The following PCDHGA2 variants were observed in gnomAD, a reference collection of about 807,000 sequenced individuals.
PCDHGA2 encodes the protein protocadherin gamma subfamily A, 2.
In PCDHGA2, 40 loss-of-function variants were observed where a neutral mutation model predicts 59.2. The ratio of observed to expected loss-of-function variants is 0.68; its 90% CI spans 0.52 to 0.88. The LOEUF is 0.88. Among genes scored for constraint, PCDHGA2 ranks in the 40% least tolerant of loss-of-function variants. PCDHGA2 has a pLI of 0.00. For missense variants in PCDHGA2, 1,226 were observed against 1,204.0 expected (o/e 1.02, Z -0.27); for synonymous variants, 560 against 526.0 (o/e 1.06, Z -0.89).
chr5:141,374,484 T>C, intron 1 of PCDHGA2: 1 of 1,611,588 alleles, frequency 6.2e-7, no homozygotes. Flanking sequence ...CCCCGATTCT[T>C]AAAGGAAGAA....
At chr5:141,349,244 T>A (rs1199692870) in intron 1 of PCDHGA2, among the ~76,000 whole-genome samples, 1 of 34,678 alleles carries the variant, frequency 2.9e-5, no homozygotes, top group Admixed American at 3.8e-4. Context: ...TAATTTTTAT[T>A]TTTTTTAGTA....
chr5:141,385,919 T>C (rs912267518), intron 1 of PCDHGA2: 9 of 152,446 alleles, frequency 5.9e-5, no homozygotes, highest in African/African-American at 1.7e-4. Flanking sequence ...CACTAAGATC[T>C]ATATCAAAGA....
intron 1 of PCDHGA2, among the ~76,000 whole-genome samples, chr5:141,467,931 T>C (rs771009105): frequency 1.3e-5 from 2 of 151,966 alleles, no homozygotes; most frequent in Non-Finnish European, 2.9e-5. Flanking sequence ...AATGCTAGGA[T>C]TACAAGCATG....
At chr5:141,426,680 T>TC in intron 1 of PCDHGA2, 1 of 431,452 alleles carries the variant, frequency 2.3e-6, no homozygotes, top group South Asian at 1.6e-5. Context: ...CACCTCATTT[T>TC]CCCCAAAATA....
rs755499740 is a variant in PCDHGA2 at position 141,389,751 on chromosome 5, G to C, written c.2424+48356G>C. 1.9e-6 allele frequency: 3 copies of C among 1,612,800 alleles called. No individual in the cohort carries two copies. The highest frequency in any genetic ancestry group is 1.1e-5 in the South Asian group (1 of 91,032). ...CTTCAGCCTGGGGCTGCGCACGGGC[G>C]AAGTGCGCACAGCGCGTGCCTTAGG... On this transcript the variant is annotated intron_variant, in intron 1 of 3. Coordinates refer to ENST00000394576, the MANE Select transcript of PCDHGA2 (RefSeq NM_018915.4).
At chr5:141,351,987 G>C (rs1399569045) in intron 1 of PCDHGA2, 1 of 1,611,124 alleles carries the variant, frequency 6.2e-7, no homozygotes, top group Non-Finnish European at 8.5e-7. Flanking sequence ...ATGGTGCCAC[G>C]CGCCGCAGAG....
rs111925753 is a variant in PCDHGA2, at chr5:141,357,231, C to T, written c.2424+15836C>T. 6.2e-6 allele frequency: 10 copies of T among 1,613,868 alleles called. 1 individual carries two copies. The Admixed American group carries it at 8.3e-5, about 13-fold the overall frequency. The stretch of plus-strand genomic sequence containing the variant: ...CAGATGTCCTGGCTGACTTGGGCAG[C>T]CTCAAGCCTTCAGCAGACCCAGACG... On this transcript the variant is annotated intron_variant, in intron 1 of 3. Coordinates refer to ENST00000394576, the MANE Select transcript of PCDHGA2 (RefSeq NM_018915.4).
In PCDHGA2 at chr5:141,490,304, T is replaced by G. The variant is rs2099698490; in HGVS notation, c.2425-4503T>G. On this transcript the variant is annotated intron_variant, in intron 1 of 3. Coordinates refer to ENST00000394576, the MANE Select transcript of PCDHGA2 (RefSeq NM_018915.4). This position sits in a 1 kb window ranked among gnomAD's most constrained non-coding sequence, Gnocchi z 5.4. ...GCCCCAGAGGTGCTATTGGCCTCTT[T>G]GGCCAACCCTGTCCTAGAGAGCACA... 1.2e-6 allele frequency: 2 copies of G among 1,614,026 alleles called. No homozygotes were observed. The highest frequency in any genetic ancestry group is 1.7e-5 in the Admixed American group (1 of 60,010).
In PCDHGA2 at chr5:141,361,401, C is replaced by T; in HGVS notation, c.2424+20006C>T. ...AGATCCCAGAATACAATCTCACCAT[C>T]ACAGCCACCGACGGGGGCAAGCCGC... On this transcript the variant is annotated intron_variant, in intron 1 of 3. Transcript: ENST00000394576. 5 of 1,614,008 alleles carry T rather than the reference C, an allele frequency of 3.1e-6. No homozygotes were observed. In the South Asian group the frequency reaches 4.4e-5, roughly 14 times the overall value.
intron 1 of PCDHGA2, among the ~76,000 whole-genome samples, chr5:141,343,613 G>A (rs1757302050): frequency 1.3e-5 from 2 of 152,186 alleles, no homozygotes; most frequent in South Asian, 4.1e-4. Flanking sequence ...TTAGTGCATG[G>A]ATTCCCAAGA....
chr5:141,494,790 C>A lies in PCDHGA2; in HGVS notation c.2425-17C>A, dbSNP rs909145. 17 of 1,614,014 alleles carry A rather than the reference C, an allele frequency of 1.1e-5. 1 individual carries two copies. The South Asian group carries it at 1.9e-4, about 18-fold the overall frequency. ...TCTCACGGGTACTCAGCCCCTTTCC[C>A]TCTGTTTTCTCCACAGCAAGCCCCG... On this transcript the variant is annotated splice_polypyrimidine_tract_variant and intron_variant, in intron 1 of 3. Transcript: ENST00000394576.
chr5:141,351,712 C>T (rs1758796018), intron 1 of PCDHGA2: 1 of 1,613,512 alleles, frequency 6.2e-7, no homozygotes, highest in Non-Finnish European at 8.5e-7. Context: ...GCAGAGTCTC[C>T]TACTCTATTC....
intron 1 of PCDHGA2, chr5:141,419,942 G>A: frequency 6.2e-7 from 1 of 1,614,070 alleles, no homozygotes. Context: ...CCTGGTGGTG[G>A]CCTTGGCCTT....
intron 1 of PCDHGA2, chr5:141,403,960 G>T (rs775638627): frequency 1.9e-6 from 3 of 1,613,776 alleles, no homozygotes; most frequent in South Asian, 2.2e-5. Context: ...TGCTCATTTC[G>T]GTGGAAGATG....
At chr5:141,357,490 C>T in intron 1 of PCDHGA2, 1 of 1,614,218 alleles carries the variant, frequency 6.2e-7, no homozygotes, top group Non-Finnish European at 8.5e-7. Flanking sequence ...CGCGGACTCG[C>T]GGAAGAGTCA....
At chr5:141,381,992 G>A (rs553767265) in intron 1 of PCDHGA2, among the ~76,000 whole-genome samples, 50 of 151,748 alleles carry the variant, frequency 3.3e-4, no homozygotes, top group African/African-American at 1.1e-3. Context: ...ACCACGCCCG[G>A]ATAATTTTGT....
At chr5:141,482,719 G>C (rs1221351410) in intron 1 of PCDHGA2, among the ~76,000 whole-genome samples, 1 of 129,252 alleles carries the variant, frequency 7.7e-6, no homozygotes, top group African/African-American at 3.5e-5. Flanking sequence ...GGCAGGGAGG[G>C]GCCATTGCAA....
At position 141,420,090 on chromosome 5, in the gene PCDHGA2, G is replaced by A. The variant is rs779478924; in HGVS notation, c.2425-74717G>A. 4.2e-5 allele frequency: 68 copies of A among 1,613,932 alleles called. No individual in the cohort carries two copies. Among genetic ancestry groups the A allele is most frequent in the Non-Finnish European group, 5.7e-5 (67 of 1,179,886 alleles). On this transcript the variant is annotated intron_variant, in intron 1 of 3. Coordinates refer to ENST00000394576, the MANE Select transcript of PCDHGA2 (RefSeq NM_018915.4). ...GGACCTGTGGGTCCCCCCAACTACA[G>A]TGAGGGAACGTTGCCCTATGCCTAT...
chr5:141,403,026 AGGCCAG>A, intron 1 of PCDHGA2: 1 of 1,614,074 alleles, frequency 6.2e-7, no homozygotes, highest in Non-Finnish European at 8.5e-7. Context: ...ATGCTATGGG[AGGCCAG>A]GGCCAGTCAG....
Sources: gnomAD v4.1 joint callset for allele counts (sites outside exome capture counted in the v4.1 genomes callset) on GRCh38, gnomAD v4.1.1 for gene constraint, Gnocchi (gnomAD v3.1) non-coding constraint, MANE v1.5 for transcripts, NCBI Gene and HGNC (gene_info 2026-07-23, HGNC 2026-07-21) for gene names.